GSTA4: variants seen among roughly 807,000 people sequenced by gnomAD.
GSTA4 encodes the protein glutathione S-transferase alpha 4.
Under a neutral mutation model 24.4 loss-of-function variants are expected in GSTA4, and 15 were observed. The ratio of observed to expected loss-of-function variants is 0.61; its 90% confidence interval spans 0.41 to 0.95. GSTA4 has a LOEUF of 0.95. Ranked by LOEUF, GSTA4 falls within the 40% of genes least tolerant of loss-of-function variation. The probability of loss-of-function intolerance (pLI) is 0.00; values close to 1 mark genes in which losing one functional copy is unlikely to be tolerated. For missense variants in GSTA4, 244 were observed against 262.1 expected, an observed-to-expected ratio of 0.93 and a Z score of 0.48; for synonymous variants, 92 against 94.2, an observed-to-expected ratio of 0.98 and a Z score of 0.13.
At chr6:52,983,373 T>TGAAG (rs1763489865) in intron 5 of GSTA4, among the ~76,000 whole-genome samples, 1 of 152,206 alleles carries the variant, frequency 6.6e-6, no homozygotes, top group African/African-American at 2.4e-5. Flanking sequence ...GAGATCCCCT[T>TGAAG]CACAGTCAAC....
At chr6:52,990,526 G>A (rs967765726) in intron 2 of GSTA4, among the ~76,000 whole-genome samples, 4 of 152,158 alleles carry the variant, frequency 2.6e-5, no homozygotes, top group African/African-American at 7.2e-5. Context: ...TGATCAGCCT[G>A]TTCCTGTGAT....
chr6:52,990,993 T>C (rs1182683231), intron 2 of GSTA4, among the ~76,000 whole-genome samples: 1 of 152,242 alleles, frequency 6.6e-6, no homozygotes, highest in Non-Finnish European at 1.5e-5. Context: ...GAAAATGATG[T>C]CAACTCATTT....
chr6:52,985,803 A>G (rs45541235), intron 3 of GSTA4, among the ~76,000 whole-genome samples: 7,072 of 152,316 alleles, frequency 0.046, 226 homozygotes, highest in Non-Finnish European at 0.067. Flanking sequence ...CTGTAATCCC[A>G]GCACTTTGGG....
At position 52,984,517 on chromosome 6, in the gene GSTA4, C is replaced by T. The variant is rs776160192; in HGVS notation, c.361G>A (p.Val121Met). The stretch of plus-strand genomic sequence containing the variant: ...ATAGCCTTCTGGGCCATGTTAACCA[C>T]TTCCTTTTGCTGATCATCTGGTTTT... ...FLKPDDQQKE[V>M]VNMAQKAIIR... The change falls in exon 5 of 7, where the codon GTG (valine) becomes ATG (methionine). Residue 121 changes from valine to methionine, a missense_variant. Val to Met is a conservative substitution (Grantham distance 21). Transcript: ENST00000370963. 6.8e-6 allele frequency: 11 copies of T among 1,613,718 alleles called. No individual in the cohort carries two copies. The African/African-American group carries it at 1.2e-4, about 18-fold the overall frequency.
intron 6 of GSTA4, among the ~76,000 whole-genome samples, chr6:52,979,634 G>A (rs1374133903): frequency 6.6e-6 from 1 of 152,096 alleles, no homozygotes; most frequent in Non-Finnish European, 1.5e-5. Flanking sequence ...ACCTTTTAAA[G>A]ATATTTAAAT....
chr6:52,983,810 C>A (rs1763498817), intron 5 of GSTA4, among the ~76,000 whole-genome samples: 1 of 152,098 alleles, frequency 6.6e-6, no homozygotes, highest in South Asian at 2.1e-4. Context: ...CTACAGAAAC[C>A]CCAGAAAATA....
At chr6:52,978,755 C>T (rs9370169) in intron 6 of GSTA4, among the ~76,000 whole-genome samples, 163 bp from the exon 7 acceptor site, 25,922 of 151,950 alleles carry the variant, frequency 0.17, 2,705 homozygotes, top group Admixed American at 0.27. Flanking sequence ...GGTGTCCAAT[C>T]TTTTGGCTTC....
Position 52,978,445 on chromosome 6 carries a change from G to A in GSTA4, c.*25C>T. ...ACAATACCATCTCTAGGAACACACT[G>A]TCACTCACACATGGATGTGTTGTTT... On this transcript the variant is annotated 3_prime_UTR_variant, in exon 7 of 7. Transcript: ENST00000370963. 1 of 1,609,936 alleles carries A rather than the reference G, an allele frequency of 6.2e-7. No individual in the cohort carries two copies. The highest frequency in any genetic ancestry group is 8.5e-7 in the Non-Finnish European group (1 of 1,176,754).
chr6:52,978,600 A>T lies in GSTA4; in HGVS notation c.547-8T>A. 6.3e-7 allele frequency: 1 copy of T among 1,595,730 alleles called. No individual in the cohort carries two copies. Among genetic ancestry groups the T allele is most frequent in the Non-Finnish European group, 8.5e-7 (1 of 1,171,496 alleles). ...TAGTTTCACTGTGTATTCCTGAAAA[A>T]GGAAAACCAAAACTTTAAGGCTAAC... On this transcript the variant is annotated splice_polypyrimidine_tract_variant and splice_region_variant and intron_variant, in intron 6 of 6. Transcript: ENST00000370963.
At chr6:52,990,960 G>A (rs373983100) in intron 2 of GSTA4, among the ~76,000 whole-genome samples, 19 of 152,280 alleles carry the variant, frequency 1.2e-4, no homozygotes, top group African/African-American at 4.6e-4. Context: ...CTAAAGACAA[G>A]TCAGAAATCA....
intron 1 of GSTA4, chr6:52,994,539 G>A (rs549989904): frequency 5.2e-5 from 17 of 329,238 alleles, no homozygotes; most frequent in African/African-American, 3.5e-4. Context: ...CTAGCAGTAC[G>A]GGATTTCACA....
intron 5 of GSTA4, 139 bp from the exon 6 acceptor site, chr6:52,982,844 G>A: frequency 1.5e-6 from 1 of 682,190 alleles, no homozygotes; most frequent in Non-Finnish European, 2.5e-6. Context: ...TCAATTAAGA[G>A]AACGCACCCT....
At chr6:52,982,844 G>C (rs1394301058) in intron 5 of GSTA4, 139 bp from the exon 6 acceptor site, 16 of 682,072 alleles carry the variant, frequency 2.3e-5, no homozygotes, top group Non-Finnish European at 3.3e-5. Context: ...TCAATTAAGA[G>C]AACGCACCCT....
chr6:52,986,679 C>T (rs12205546), intron 3 of GSTA4, among the ~76,000 whole-genome samples: 2 of 152,166 alleles, frequency 1.3e-5, no homozygotes, highest in Non-Finnish European at 2.9e-5. Context: ...TAGCACATGC[C>T]TAGTGGCTTC....
At chr6:52,991,175 T>C (rs1763653762) in intron 2 of GSTA4, among the ~76,000 whole-genome samples, 1 of 152,228 alleles carries the variant, frequency 6.6e-6, no homozygotes, top group South Asian at 2.1e-4. Context: ...CTTTCCTATA[T>C]GAAGCATATT....
intron 6 of GSTA4, among the ~76,000 whole-genome samples, chr6:52,979,921 G>C (rs1257395847): frequency 6.6e-6 from 1 of 152,054 alleles, no homozygotes; most frequent in African/African-American, 2.4e-5. Context: ...GATTTATCTG[G>C]GGTTCATAGT....
At chr6:52,993,916 AT>A in intron 2 of GSTA4, 1 of 578,200 alleles carries the variant, frequency 1.7e-6, no homozygotes, top group South Asian at 1.7e-5. Context: ...ATTAATAAAT[AT>A]TCACTGGTGC....
chr6:52,982,071 T>G (rs1285771980), intron 6 of GSTA4, among the ~76,000 whole-genome samples: 1 of 152,222 alleles, frequency 6.6e-6, no homozygotes, highest in African/African-American at 2.4e-5. Context: ...AATGAGACTG[T>G]TTTGATGTTT....
chr6:52,979,879 A>G (rs538180533), intron 6 of GSTA4, among the ~76,000 whole-genome samples: 35 of 152,226 alleles, frequency 2.3e-4, no homozygotes, highest in Non-Finnish European at 4.4e-4. Flanking sequence ...ACCAAAATTT[A>G]GAATCTTGTT....
Sources: gnomAD v4.1 joint callset for allele counts (sites outside exome capture counted in the v4.1 genomes callset) on GRCh38, gnomAD v4.1.1 for gene constraint, MANE v1.5 for transcripts, NCBI Gene and HGNC (gene_info 2026-07-23, HGNC 2026-07-21) for gene names.